The following HDAC9 variants were observed in gnomAD, a reference collection of about 807,000 sequenced individuals.
The protein encoded by HDAC9 is histone deacetylase 9, also known as MEF-2 interacting transcription repressor (MITR) protein.
In HDAC9, 41 loss-of-function variants were observed where a neutral mutation model predicts 139.4. The ratio of observed to expected loss-of-function variants is 0.29; its 90% CI spans 0.23 to 0.38. The LOEUF (loss-of-function observed/expected upper bound fraction) is 0.38. Ranked by LOEUF, HDAC9 falls within the 10% of genes least tolerant of loss-of-function variation. The pLI, the probability that HDAC9 is intolerant of heterozygous loss-of-function variation, is 1.00. For missense variants in HDAC9, 1,147 were observed against 1,297.0 expected (o/e 0.88, Z 1.78); for synonymous variants, 517 against 476.2 (o/e 1.09, Z -1.12).
intron 1 of HDAC9, among the ~76,000 whole-genome samples, chr7:18,465,848 T>C (rs1794225431): frequency 1.3e-5 from 2 of 152,234 alleles, no homozygotes; most frequent in African/African-American, 4.8e-5. Flanking sequence ...ACTCTCTTTC[T>C]TTTTCTAATG....
intron 21 of HDAC9, among the ~76,000 whole-genome samples, chr7:18,864,923 T>G (rs1006392149): frequency 6.6e-6 from 1 of 152,230 alleles, no homozygotes; most frequent in African/African-American, 2.4e-5. Context: ...TTTTATTTAA[T>G]GTACATTTTA....
At chr7:18,545,898 A>G (rs3757717) in intron 2 of HDAC9, among the ~76,000 whole-genome samples, 5,198 of 152,256 alleles carry the variant, frequency 0.034, 82 homozygotes, top group Middle Eastern at 0.061. Context: ...GGAAAAGAAT[A>G]AAGCTTGACT....
In HDAC9 at chr7:18,386,152, G is replaced by A. The variant is rs189620969; in HGVS notation, c.-42+95637G>A. Among the ~76,000 whole-genome samples the A allele has an allele frequency of 3.1e-3, 466 of 152,096 alleles. 4 individuals are homozygous for A. The highest frequency in any genetic ancestry group is 4.9e-3 in the Non-Finnish European group (334 of 67,986). ...TTAACTCATCAATGAAGCTCTCCCC[G>A]ATCCCCAACTCTGAACTCCCATAGA... On this transcript the variant is annotated intron_variant, in intron 1 of 3. Coordinates refer to the HDAC9 transcript ENST00000413509.
At chr7:18,834,276 T>C (rs1324846704) in intron 19 of HDAC9, among the ~76,000 whole-genome samples, 1 of 152,032 alleles carries the variant, frequency 6.6e-6, no homozygotes, top group East Asian at 1.9e-4. Flanking sequence ...ATGTTTAAAG[T>C]ATAGCAGTAA....
At chr7:18,656,345 T>C (rs567357006) in intron 11 of HDAC9, among the ~76,000 whole-genome samples, 71 of 152,232 alleles carry the variant, frequency 4.7e-4, no homozygotes, top group African/African-American at 1.6e-3. Context: ...CCACAAAGAC[T>C]TATCTATTAA....
At chr7:18,638,311 C>G (rs1304680015) in intron 8 of HDAC9, among the ~76,000 whole-genome samples, 1 of 151,948 alleles carries the variant, frequency 6.6e-6, no homozygotes, top group Non-Finnish European at 1.5e-5. Context: ...GATCTTGAGC[C>G]CTAGATGAAA....
chr7:18,245,732 G>C (rs1345752283), intron 2 of HDAC9, among the ~76,000 whole-genome samples: 1 of 152,078 alleles, frequency 6.6e-6, no homozygotes, highest in African/African-American at 2.4e-5. Flanking sequence ...AAATTCTCAG[G>C]AGCTTATTCT....
At chr7:18,526,775 A>G (rs1253078415) in intron 2 of HDAC9, among the ~76,000 whole-genome samples, 1 of 152,156 alleles carries the variant, frequency 6.6e-6, no homozygotes, top group African/African-American at 2.4e-5. Flanking sequence ...CTAGATCTTA[A>G]CAGTATCCTG....
intron 1 of HDAC9, among the ~76,000 whole-genome samples, chr7:18,468,584 C>T (rs908631274): frequency 6.6e-5 from 10 of 152,088 alleles, no homozygotes; most frequent in African/African-American, 7.2e-5. Flanking sequence ...GGCTAGACTA[C>T]AGGCACGTGT....
At chr7:18,815,002 AT>A (rs201056944) in intron 17 of HDAC9, among the ~76,000 whole-genome samples, 1,616 of 144,478 alleles carry the variant, frequency 0.011, 27 homozygotes, top group African/African-American at 0.045. Flanking sequence ...TTGAAGGCAC[AT>A]CTATTGTAGT....
intron 2 of HDAC9, among the ~76,000 whole-genome samples, chr7:18,186,341 G>A (rs952801543): frequency 2.0e-5 from 3 of 152,226 alleles, no homozygotes; most frequent in African/African-American, 4.8e-5. Flanking sequence ...TTTCCCAACT[G>A]AGCAACAGGT....
intron 2 of HDAC9, among the ~76,000 whole-genome samples, chr7:18,225,551 G>A (rs995402265): frequency 2.6e-5 from 4 of 151,936 alleles, no homozygotes; most frequent in African/African-American, 9.7e-5. Context: ...TTTCTTTCAA[G>A]TCTAGAGACA....
At chr7:18,667,117 A>G (rs1263717221) in intron 12 of HDAC9, 2 of 985,108 alleles carry the variant, frequency 2.0e-6, no homozygotes, top group Non-Finnish European at 2.4e-6. Context: ...TTAAATATAT[A>G]GATGCAAATT....
chr7:18,387,557 GA>G (rs1786055906), intron 1 of HDAC9, among the ~76,000 whole-genome samples: 1 of 152,206 alleles, frequency 6.6e-6, no homozygotes, highest in Non-Finnish European at 1.5e-5. Context: ...ACTACTCATA[GA>G]AAATGAGGAA....
rs546826139 is a variant in HDAC9 at position 18,877,397 on chromosome 7, G to A, written c.2803+2801G>A. Among the ~76,000 whole-genome samples, 74 of 152,302 alleles carry A rather than the reference G, an allele frequency of 4.9e-4. No homozygotes were observed. In the Middle Eastern group the frequency reaches 0.01, roughly 21 times the overall value. On this transcript the variant is annotated intron_variant, in intron 22 of 25. Coordinates refer to ENST00000686413, the MANE Select transcript of HDAC9 (RefSeq NM_178425.4). ...CAGGAAGTCATCCTTTATTGTGGGA[G>A]TAGGGTGATCCCAAAACGAAGTTAG...
intron 6 of HDAC9, among the ~76,000 whole-genome samples, chr7:18,594,304 T>G (rs542009333): frequency 6.6e-6 from 1 of 152,104 alleles, no homozygotes; most frequent in East Asian, 1.9e-4. Flanking sequence ...TAAATAAAAA[T>G]AAAAATTTCG....
chr7:18,653,033 T>C (rs1337459574), intron 11 of HDAC9, among the ~76,000 whole-genome samples: 2 of 151,902 alleles, frequency 1.3e-5, no homozygotes, highest in Non-Finnish European at 2.9e-5. Flanking sequence ...GGTGGGGAGT[T>C]CGAGACCAGC....
intron 12 of HDAC9, among the ~76,000 whole-genome samples, chr7:18,705,323 T>C (rs2129107312): frequency 6.6e-6 from 1 of 152,254 alleles, no homozygotes; most frequent in East Asian, 1.9e-4. Context: ...AGTAACACCC[T>C]TCTTCCCTAC....
At chr7:18,476,735 C>T (rs1020835221) in intron 1 of HDAC9, among the ~76,000 whole-genome samples, 6 of 152,092 alleles carry the variant, frequency 3.9e-5, no homozygotes, top group Admixed American at 1.3e-4. Flanking sequence ...ATAAACTTAT[C>T]TGTATATCTC....
Sources: allele counts gnomAD v4.1 joint callset (sites outside exome capture counted in the v4.1 genomes callset), GRCh38; gene constraint gnomAD v4.1.1; transcripts MANE v1.5; gene names NCBI Gene and HGNC (gene_info 2026-07-23, HGNC 2026-07-21).